The following PCDHGA6 variants were observed in gnomAD, a reference collection of about 807,000 sequenced individuals.
PCDHGA6 encodes protocadherin gamma-A6.
PCDHGA6 carries 41 observed loss-of-function variants against 60.6 expected under a neutral mutation model. The observed-to-expected ratio is 0.68, with a 90% CI of 0.53 to 0.88. PCDHGA6 has a LOEUF of 0.88. Among genes scored for constraint, PCDHGA6 ranks in the 40% least tolerant of loss-of-function variants. PCDHGA6 has a pLI of 0.00. For missense variants in PCDHGA6, 1,312 were observed against 1,203.0 expected (o/e 1.09, Z -1.34); for synonymous variants, 594 against 524.4 (o/e 1.13, Z -1.81).
chr5:141,413,815 C>T (rs1357769705), intron 1 of PCDHGA6: 11 of 1,613,224 alleles, frequency 6.8e-6, no homozygotes, highest in Non-Finnish European at 8.5e-6. Flanking sequence ...CATTCACCAC[C>T]TGGTCCTCAC....
At chr5:141,454,034 G>A (rs530844564) in intron 1 of PCDHGA6, among the ~76,000 whole-genome samples, 10 of 152,270 alleles carry the variant, frequency 6.6e-5, no homozygotes, top group African/African-American at 2.4e-4. Context: ...GAATTGGCCA[G>A]CAAAGATAAA....
At chr5:141,378,078 T>C (rs1215089288) in intron 1 of PCDHGA6, 1 of 152,178 alleles carries the variant, frequency 6.6e-6, no homozygotes, top group South Asian at 2.1e-4. Context: ...GAAAATAATT[T>C]TATAACTTTT....
At chr5:141,459,831 G>A (rs907978430) in intron 1 of PCDHGA6, among the ~76,000 whole-genome samples, 1 of 152,150 alleles carries the variant, frequency 6.6e-6, no homozygotes, top group Admixed American at 6.6e-5. Context: ...CTTTTCATGT[G>A]TTGTCTATTT....
At chr5:141,456,788 C>A (rs2098888156) in intron 1 of PCDHGA6, among the ~76,000 whole-genome samples, 1 of 152,088 alleles carries the variant, frequency 6.6e-6, no homozygotes, top group Admixed American at 6.5e-5. Flanking sequence ...CATGGCAAAA[C>A]CCCATCTCTA....
chr5:141,374,993 T>C lies in PCDHGA6; in HGVS notation c.910T>C (p.Ser304Pro). 6.2e-7 allele frequency: 1 copy of C among 1,614,056 alleles called. No homozygotes were observed. The highest frequency in any genetic ancestry group is 8.5e-7 in the Non-Finnish European group (1 of 1,179,908). Residue 304 changes from serine to proline, a missense_variant, in exon 1 of 4, where the codon TCT (serine) becomes CCT (proline). Ser to Pro is a moderately conservative substitution (Grantham distance 74). Transcript: ENST00000517434. Reference sequence around the variant, plus strand: ...TGTTTTGACTGGAGAAATTTCAACTTCTGCAAATCTAGACTATGAGGACTC... The same window carrying C: ...TGTTTTGACTGGAGAAATTTCAACTCCTGCAAATCTAGACTATGAGGACTC... ...LNVLTGEIST[S>P]ANLDYEDSSF...
chr5:141,380,347 T>G (rs1408007452), intron 1 of PCDHGA6, among the ~76,000 whole-genome samples: 1 of 152,204 alleles, frequency 6.6e-6, no homozygotes, highest in Non-Finnish European at 1.5e-5. Context: ...AACTGTTTTG[T>G]TGTTTGTTTT....
At chr5:141,446,798 T>C (rs1223789118) in intron 1 of PCDHGA6, among the ~76,000 whole-genome samples, 1 of 152,160 alleles carries the variant, frequency 6.6e-6, no homozygotes, top group Non-Finnish European at 1.5e-5. Flanking sequence ...AGTTCTTCCA[T>C]TGTGATCATC....
At chr5:141,389,405 G>T (rs758428464) in intron 1 of PCDHGA6, 1 of 1,613,496 alleles carries the variant, frequency 6.2e-7, no homozygotes, top group South Asian at 1.1e-5. Context: ...CCATAAGCGC[G>T]GAGAGCGGGG....
chr5:141,478,465 C>T (rs768021356), intron 1 of PCDHGA6: 6 of 1,613,730 alleles, frequency 3.7e-6, no homozygotes, highest in Non-Finnish European at 5.1e-6. Context: ...GTCCACTGGC[C>T]AGCCGCCAGA....
chr5:141,483,660 G>GTCTGTA (rs2099584988), intron 1 of PCDHGA6, among the ~76,000 whole-genome samples: 1 of 152,094 alleles, frequency 6.6e-6, no homozygotes, highest in Non-Finnish European at 1.5e-5. Context: ...GTGTGTGTGT[G>GTCTGTA]TGTGTGTGTA....
chr5:141,398,051 C>G, intron 1 of PCDHGA6: 3 of 1,512,220 alleles, frequency 2.0e-6, no homozygotes, highest in Non-Finnish European at 2.7e-6. Context: ...GTTCGGAGAT[C>G]CAAAAATCTA....
At chr5:141,384,308 C>T in intron 1 of PCDHGA6, 1 of 1,613,854 alleles carries the variant, frequency 6.2e-7, no homozygotes, top group Non-Finnish European at 8.5e-7. Context: ...AGAGGGGCCT[C>T]CATTTTCTTA....
intron 2 of PCDHGA6, among the ~76,000 whole-genome samples, chr5:141,500,775 T>C (rs1251282826): frequency 6.6e-6 from 1 of 152,218 alleles, no homozygotes; most frequent in Non-Finnish European, 1.5e-5. Context: ...CTTATGAATA[T>C]ACATATTATT....
chr5:141,479,568 G>A (rs553213095), intron 1 of PCDHGA6: 2 of 152,346 alleles, frequency 1.3e-5, no homozygotes, highest in East Asian at 3.9e-4. Context: ...GTAGTGGGAT[G>A]ACATCTGTGA....
At chr5:141,384,734 G>T (rs1780422653) in intron 1 of PCDHGA6, 1 of 1,613,988 alleles carries the variant, frequency 6.2e-7, no homozygotes. Flanking sequence ...CTTAAGGCCA[G>T]CGAGCCAGGA....
In PCDHGA6 at chr5:141,373,976, G is replaced by A; in HGVS notation, c.-108G>A. On this transcript the variant is annotated 5_prime_UTR_variant, in exon 1 of 4. Transcript: ENST00000517434. Reference sequence around the variant, plus strand: ...TTCTGACCTGAAACGCTTCGCATCCGGTCTCTGCTTGTTGAAGGACCTTCA... The same window carrying A: ...TTCTGACCTGAAACGCTTCGCATCCAGTCTCTGCTTGTTGAAGGACCTTCA... 2.8e-6 allele frequency: 3 copies of A among 1,066,504 alleles called. No individual in the cohort carries two copies. The highest frequency in any genetic ancestry group is 2.6e-5 in the South Asian group (1 of 37,808). The allele number at this position is 1,066,504 out of a possible 1,614,324, so 66.1% of individuals were successfully genotyped here. A position where few individuals can be genotyped will look rare whatever the true frequency, so the allele number is the denominator to read the frequency against.
In PCDHGA6 at chr5:141,477,486, C is replaced by T. The variant is rs1472326209; in HGVS notation, c.2425-17321C>T. On this transcript the variant is annotated intron_variant, in intron 1 of 3. Coordinates refer to ENST00000517434, the MANE Select transcript of PCDHGA6 (RefSeq NM_018919.3). This position sits in a 1 kb window ranked among gnomAD's most constrained non-coding sequence, Gnocchi z 4.9. ...GACATCAATGACAACCCTCCACAATCTTCTCAATCTTCCTACGACGTTTAC... is the reference window on the plus strand; with the variant it reads ...GACATCAATGACAACCCTCCACAATTTTCTCAATCTTCCTACGACGTTTAC... 6.2e-7 allele frequency: 1 copy of T among 1,614,052 alleles called. No individual in the cohort carries two copies. The highest frequency in any genetic ancestry group is 1.3e-5 in the African/African-American group (1 of 74,914).
chr5:141,449,681 G>A (rs2098651836), intron 1 of PCDHGA6, among the ~76,000 whole-genome samples: 1 of 149,394 alleles, frequency 6.7e-6, no homozygotes, highest in Non-Finnish European at 1.5e-5. Context: ...ATGTATATAT[G>A]TTTGTGTGTA....
chr5:141,458,970 C>T (rs1260904595), intron 1 of PCDHGA6, among the ~76,000 whole-genome samples: 1 of 152,170 alleles, frequency 6.6e-6, no homozygotes, highest in Admixed American at 6.6e-5. Flanking sequence ...CAGCCTCAAG[C>T]AGTCCTCCTG....
Sources: gnomAD v4.1 joint callset for allele counts (sites outside exome capture counted in the v4.1 genomes callset) on GRCh38, gnomAD v4.1.1 for gene constraint, Gnocchi (gnomAD v3.1) non-coding constraint, MANE v1.5 for transcripts, NCBI Gene and HGNC (gene_info 2026-07-23, HGNC 2026-07-21) for gene names.